MAST3: variants seen among roughly 807,000 people sequenced by gnomAD.
The protein encoded by MAST3 is microtubule associated serine/threonine kinase 3.
A neutral mutation model predicts 127.0 loss-of-function variants in MAST3; 43 were observed. The observed-to-expected ratio is 0.34, with a 90% CI of 0.27 to 0.44. MAST3 has a LOEUF of 0.44. Among genes scored for constraint, MAST3 ranks in the 20% least tolerant of loss-of-function variants. The pLI is 1.00. For missense variants in MAST3, 1,390 were observed against 1,919.1 expected, an observed-to-expected ratio of 0.72 and a Z score of 5.15; for synonymous variants, 785 against 809.2, an observed-to-expected ratio of 0.97 and a Z score of 0.51.
chr19:18,107,922 G>T (rs2038197855), intron 2 of MAST3, among the ~76,000 whole-genome samples: 1 of 152,298 alleles, frequency 6.6e-6, no homozygotes, highest in East Asian at 1.9e-4. Flanking sequence ...TTGAATTTCA[G>T]CTGAAGTGTA....
chr19:18,144,475 C>G lies in MAST3; in HGVS notation c.2594C>G (p.Ala865Gly). 3 of 1,568,606 alleles carry G rather than the reference C, an allele frequency of 1.9e-6. No individual in the cohort carries two copies. Among genetic ancestry groups the G allele is most frequent in the Non-Finnish European group, 2.6e-6 (3 of 1,159,432 alleles). The change falls in exon 23 of 28, where the codon GCT becomes GGT. Residue 865 changes from alanine to glycine, a missense_variant. Around this residue, in one of 5 missense-constraint regions of MAST3, gnomAD observed 816 missense variants for 934.1 expected, o/e 0.87. Coordinates refer to ENST00000687212, the MANE Select transcript of MAST3 (RefSeq NM_001393504.1). The surrounding 1 kb of genome is among the most constrained non-coding windows in gnomAD (Gnocchi z 4.0). ...CCTGCTGACCCTCTAGCCGACACAG[C>G]TGCTCTCAGCCACGCCCGCCTACGG... ...PKPSSLSADTAALSHARLRSN... is the reference protein window; with the variant it reads ...PKPSSLSADTGALSHARLRSN...
chr19:18,147,049 A>G lies in MAST3; in HGVS notation c.3326+5A>G, dbSNP rs1227570792. ...GGCAGTGACCACCAGGGAGCGGTAC[A>G]CAGGGGGCGGGGCCACGGGGACTGG... On this transcript the variant is annotated splice_donor_5th_base_variant and intron_variant, in intron 26 of 27. Transcript: ENST00000687212. 5 of 1,544,786 alleles carry G rather than the reference A, an allele frequency of 3.2e-6. No individual in the cohort carries two copies. Among genetic ancestry groups the G allele is most frequent in the Non-Finnish European group, 4.4e-6 (5 of 1,144,764 alleles).
Position 18,131,929 on chromosome 19 carries a change from C to T in MAST3, c.1453C>T (p.Leu485=). Residue 485 remains leucine (L), a synonymous_variant, in exon 15 of 28, where the codon CTG becomes TTG. Coordinates refer to ENST00000687212, the MANE Select transcript of MAST3 (RefSeq NM_001393504.1). Reference sequence around the variant, plus strand: ...CCCAGGCGGCGACTGCGCCACGCTCCTGAAGAACATGGGCCCGCTGCCCGT... The same window carrying T: ...CCCAGGCGGCGACTGCGCCACGCTCTTGAAGAACATGGGCCCGCTGCCCGT... ...YVEGGDCATL[L]KNMGPLPVDM... is the part of the protein sequence containing the mutation. The T allele has an allele frequency of 6.2e-7, 1 of 1,606,532 alleles. No homozygotes were observed. The highest frequency in any genetic ancestry group is 1.1e-5 in the South Asian group (1 of 90,266).
At chr19:18,129,442 C>T (rs766818054) in intron 13 of MAST3, 1 of 156,344 alleles carries the variant, frequency 6.4e-6, no homozygotes, top group Non-Finnish European at 1.4e-5. Flanking sequence ...AGCATGGGCA[C>T]TCAATCTCTG....
chr19:18,132,707 C>T (rs921279873), intron 15 of MAST3, among the ~76,000 whole-genome samples: 2 of 152,136 alleles, frequency 1.3e-5, no homozygotes, highest in African/African-American at 4.8e-5. Flanking sequence ...CTGCTGTGTG[C>T]AGGGAAAAAG....
rs533515732 is a variant in MAST3, at chr19:18,145,350, G to C, written c.3039+121G>C. 8 of 918,404 alleles carry C rather than the reference G, an allele frequency of 8.7e-6. No homozygotes were observed. The highest frequency in any genetic ancestry group is 1.0e-5 in the Non-Finnish European group (6 of 579,256). 56.9% of individuals were successfully genotyped at this position (918,404 alleles called of 1,614,324 possible). ...TTAGGTAGATAGAGCTGGTGCCACC[G>C]AGTTCATCTCGGTCCCTGTCATTTG... On this transcript the variant is annotated intron_variant, in intron 24 of 27. Transcript: ENST00000687212. The surrounding 1 kb of genome is among the most constrained non-coding windows in gnomAD (Gnocchi z 5.9).
At chr19:18,137,195 G>A (rs766662463) in intron 18 of MAST3, 44 bp from the exon 19 acceptor site, 10 of 1,575,110 alleles carry the variant, frequency 6.3e-6, no homozygotes, top group South Asian at 1.2e-5. Context: ...ATCCTGTGGC[G>A]GGTGAGGTGA....
At position 18,123,351 on chromosome 19, in the gene MAST3, C is replaced by G. The variant is rs770372792; in HGVS notation, c.534C>G (p.Leu178=). Residue 178 remains leucine, a synonymous_variant, in exon 7 of 28, where the codon CTC becomes CTG. Transcript: ENST00000687212. The part of the protein sequence containing the change: ...LDEEGGRSPR[L]RPRSRSLSPG... ...AGGAAGGCGGCCGGTCACCCCGCCT[C>G]CGACCCCGCTCTCGCAGTCTCAGGT... The G allele has an allele frequency of 5.0e-6, 8 of 1,612,848 alleles. No homozygotes were observed. Among genetic ancestry groups the G allele is most frequent in the Non-Finnish European group, 6.8e-6 (8 of 1,179,770 alleles).
intron 3 of MAST3, among the ~76,000 whole-genome samples, chr19:18,113,645 A>G (rs1290416756): frequency 1.3e-5 from 2 of 152,156 alleles, no homozygotes; most frequent in Non-Finnish European, 2.9e-5. Flanking sequence ...TATTTTTAGT[A>G]GAGATGGGGT....
chr19:18,116,621 T>G (rs2039290702), intron 3 of MAST3, among the ~76,000 whole-genome samples: 1 of 136,222 alleles, frequency 7.3e-6, no homozygotes, highest in South Asian at 2.7e-4. Context: ...TTGAATTGTT[T>G]CCTGTTGGCT....
Position 18,112,275 on chromosome 19 carries a change from G to A in MAST3, c.161+1534G>A, listed in dbSNP as rs999605044. Among the ~76,000 whole-genome samples the A allele has an allele frequency of 2.0e-5, 3 of 152,230 alleles. No individual in the cohort carries two copies. Among genetic ancestry groups the A allele is most frequent in the Admixed American group, 6.5e-5 (1 of 15,282 alleles). On this transcript the variant is annotated intron_variant, in intron 3 of 27. Transcript: ENST00000687212. The surrounding 1 kb of genome is among the most constrained non-coding windows in gnomAD (Gnocchi z 4.1). ...CCTCCCAGGTTCAAGTGATTCTCCT[G>A]TTTCAGGCTCCGAGTAGCGGAGACT...
chr19:18,126,779 A>C (rs567052816), intron 11 of MAST3, among the ~76,000 whole-genome samples: 1 of 151,734 alleles, frequency 6.6e-6, no homozygotes, highest in South Asian at 2.1e-4. Flanking sequence ...TACAAAAAGT[A>C]ATTTTTTTTT....
At chr19:18,102,716 G>C (rs1051027074) in intron 1 of MAST3, among the ~76,000 whole-genome samples, 3 of 152,082 alleles carry the variant, frequency 2.0e-5, no homozygotes, top group African/African-American at 7.2e-5. Context: ...TCCTGACCTT[G>C]TGATCCGCCC....
chr19:18,124,920 A>G lies in MAST3; in HGVS notation c.1078+146A>G, dbSNP rs150217869. ...CAGGAGTTCGAGACCAGCCTGGCCA[A>G]CATGGTGGAAACCCCCCCCCTACTA... On this transcript the variant is annotated intron_variant, in intron 11 of 27. Transcript: ENST00000687212. The G allele has an allele frequency of 7.0e-3, 6,684 of 949,252 alleles. 376 individuals carry two copies. The East Asian group carries it at 0.14, about 20-fold the overall frequency. The allele number at this position is 949,252 out of a possible 1,614,324, so 58.8% of individuals were successfully genotyped here. A position where few individuals can be genotyped will look rare whatever the true frequency, so the allele number is the denominator to read the frequency against.
At chr19:18,097,853 G>T in intron 1 of MAST3, 22 bp downstream of exon 1, 1 of 1,227,838 alleles carries the variant, frequency 8.1e-7, no homozygotes, top group African/African-American at 1.6e-5. Context: ...GCGCGGGCGG[G>T]CGGAAGGCAG....
chr19:18,125,431 TAAG>T (rs1478029902), intron 11 of MAST3, among the ~76,000 whole-genome samples: 8 of 152,152 alleles, frequency 5.3e-5, no homozygotes. Context: ...AACCCGTAGG[TAAG>T]AAGACGGTCA....
At chr19:18,116,135 C>A (rs2039217757) in intron 3 of MAST3, among the ~76,000 whole-genome samples, 1 of 114,176 alleles carries the variant, frequency 8.8e-6, no homozygotes, top group Admixed American at 1.2e-4. Flanking sequence ...GCTCTATCAC[C>A]CAGGCTGGAG....
Position 18,144,837 on chromosome 19 carries a change from G to A in MAST3, c.2812+144G>A. On this transcript the variant is annotated intron_variant, in intron 23 of 27. Coordinates refer to ENST00000687212, the MANE Select transcript of MAST3 (RefSeq NM_001393504.1). This position sits in a 1 kb window ranked among gnomAD's most constrained non-coding sequence, Gnocchi z 4.0. ...GGACACATGGAGAGCTGGGGAGATG[G>A]TGTTCCCAGTAGAGGGCACTGCACG... The A allele has an allele frequency of 1.0e-6, 1 of 1,002,992 alleles. No individual in the cohort carries two copies. Among genetic ancestry groups the A allele is most frequent in the Non-Finnish European group, 1.5e-6 (1 of 659,404 alleles). The allele number at this position is 1,002,992 out of a possible 1,614,324, so 62.1% of individuals were successfully genotyped here.
intron 18 of MAST3, 69 bp from the exon 19 acceptor site, chr19:18,137,170 T>A: frequency 9.5e-6 from 15 of 1,573,340 alleles, no homozygotes; most frequent in Non-Finnish European, 1.1e-5. Context: ...GCATGGGCAG[T>A]GGGGGTAGGG....
Sources: allele counts gnomAD v4.1 joint callset (sites outside exome capture counted in the v4.1 genomes callset), GRCh38; gene constraint gnomAD v4.1.1; regional missense constraint gnomAD v4.1.1; non-coding constraint Gnocchi (gnomAD v3.1); transcripts MANE v1.5; gene names NCBI Gene and HGNC (gene_info 2026-07-23, HGNC 2026-07-21).